SINHCAF: variants seen among roughly 807,000 people sequenced by gnomAD.
SINHCAF encodes SIN3-HDAC complex-associated factor.
SINHCAF carries 3 observed loss-of-function variants against 25.8 expected under a neutral mutation model. The observed-to-expected ratio is 0.12, with a 90% CI of 0.05 to 0.30. SINHCAF has a LOEUF of 0.30. SINHCAF is among the 10% of genes least tolerant of loss of function. SINHCAF has a pLI of 1.00. For missense variants in SINHCAF, 121 were observed against 262.3 expected (o/e 0.46, Z 3.72); for synonymous variants, 70 against 85.5 (o/e 0.82, Z 1.00).
chr12:31,320,643 C>A (rs1188955697), intron 1 of SINHCAF, among the ~76,000 whole-genome samples: 7 of 151,992 alleles, frequency 4.6e-5, no homozygotes, highest in South Asian at 2.1e-4. Flanking sequence ...ACAATAAAGA[C>A]GTGAATTTTA....
intron 1 of SINHCAF, among the ~76,000 whole-genome samples, chr12:31,306,156 C>A (rs1012862702): frequency 6.6e-6 from 1 of 152,122 alleles, no homozygotes; most frequent in Non-Finnish European, 1.5e-5. Flanking sequence ...TTACCCAATG[C>A]AAAAACATGC....
intron 4 of SINHCAF, among the ~76,000 whole-genome samples, chr12:31,289,948 C>T (rs143818788): frequency 4.6e-5 from 7 of 151,938 alleles, no homozygotes; most frequent in African/African-American, 1.7e-4. Flanking sequence ...TCTCAGTCTC[C>T]TGAGTAGCTG....
chr12:31,291,403 G>A (rs1317811880), intron 4 of SINHCAF, among the ~76,000 whole-genome samples: 2 of 152,206 alleles, frequency 1.3e-5, no homozygotes, highest in African/African-American at 4.8e-5. Context: ...GACAAGAGCT[G>A]ATATTCAAAT....
Position 31,289,065 on chromosome 12 carries a change from G to A in SINHCAF, c.356-1281C>T, listed in dbSNP as rs544304998. On this transcript the variant is annotated intron_variant, in intron 4 of 5. Coordinates refer to ENST00000337682, the MANE Select transcript of SINHCAF (RefSeq NM_001135812.2). Reference sequence around the variant, plus strand: ...GTGGATGGGCTGAGCAACATGGAGGGGAGAGAGAAAACAAACAGTGAACTG... The same window carrying A: ...GTGGATGGGCTGAGCAACATGGAGGAGAGAGAGAAAACAAACAGTGAACTG... 3.6e-4 allele frequency among the ~76,000 whole-genome samples: 55 copies of A among 152,152 alleles called. 1 individual carries two copies. The highest frequency in any genetic ancestry group is 1.2e-3 in the African/African-American group (51 of 41,514).
At chr12:31,311,003 A>G (rs1031349222) in intron 1 of SINHCAF, among the ~76,000 whole-genome samples, 13 of 151,838 alleles carry the variant, frequency 8.6e-5, no homozygotes, top group Non-Finnish European at 2.9e-5. Context: ...CTGAGGAACT[A>G]AGATTACAGG....
intron 1 of SINHCAF, among the ~76,000 whole-genome samples, chr12:31,314,302 A>G (rs554238936): frequency 0.011 from 1,738 of 152,074 alleles, 22 homozygotes; most frequent in Admixed American, 0.03. Context: ...AGGCGGGCGG[A>G]TCACGAGGTC....
chr12:31,288,872 G>A (rs762092345), intron 4 of SINHCAF, among the ~76,000 whole-genome samples: 42 of 152,162 alleles, frequency 2.8e-4, no homozygotes, highest in Non-Finnish European at 5.3e-4. Flanking sequence ...AAGCAGCCAC[G>A]ACAAAAATGC....
chr12:31,317,970 A>AT (rs1939554256), intron 1 of SINHCAF, among the ~76,000 whole-genome samples: 2 of 152,224 alleles, frequency 1.3e-5, no homozygotes, highest in Non-Finnish European at 2.9e-5. Context: ...TGATGATGGG[A>AT]AAGGAAAAGA....
At chr12:31,323,977 C>A (rs1482679903) in intron 1 of SINHCAF, 1 of 455,970 alleles carries the variant, frequency 2.2e-6, no homozygotes, top group Admixed American at 2.3e-5. Flanking sequence ...TCGGGCACTC[C>A]GGTGACTGCC....
intron 1 of SINHCAF, among the ~76,000 whole-genome samples, chr12:31,299,996 T>C (rs996256727): frequency 1.3e-5 from 2 of 152,238 alleles, no homozygotes; most frequent in Non-Finnish European, 2.9e-5. Flanking sequence ...TATCATAATC[T>C]TTTGGGACCA....
At chr12:31,300,580 T>C (rs1172806489) in intron 1 of SINHCAF, among the ~76,000 whole-genome samples, 1 of 152,212 alleles carries the variant, frequency 6.6e-6, no homozygotes, top group Non-Finnish European at 1.5e-5. Flanking sequence ...GCAGATTTTT[T>C]TTTCTCAATC....
chr12:31,313,784 G>C (rs1385647811), intron 1 of SINHCAF, among the ~76,000 whole-genome samples: 4 of 152,136 alleles, frequency 2.6e-5, no homozygotes, highest in Non-Finnish European at 5.9e-5. Flanking sequence ...AAGTAGCTGG[G>C]ATTACAGGTG....
intron 1 of SINHCAF, among the ~76,000 whole-genome samples, chr12:31,306,681 T>C (rs2137111893): frequency 6.6e-6 from 1 of 152,344 alleles, no homozygotes; most frequent in South Asian, 2.1e-4. Context: ...GTGTTGTGTT[T>C]AATTCAGAGC....
At chr12:31,293,685 C>A in intron 4 of SINHCAF, 120 bp downstream of exon 4, 1 of 801,046 alleles carries the variant, frequency 1.2e-6, no homozygotes, top group Non-Finnish European at 1.9e-6. Flanking sequence ...TCAACGTTGC[C>A]TTCCAGTGCT....
At chr12:31,297,135 T>C (rs1565494225) in intron 2 of SINHCAF, 1 of 346,990 alleles carries the variant, frequency 2.9e-6, no homozygotes, top group Non-Finnish European at 5.9e-6. Context: ...TGATCATTTA[T>C]TGTTAATCCT....
At chr12:31,285,410 T>C (rs1206250581) in intron 5 of SINHCAF, among the ~76,000 whole-genome samples, 1 of 83,368 alleles carries the variant, frequency 1.2e-5, no homozygotes, top group Non-Finnish European at 2.4e-5. Context: ...TATATTTATA[T>C]ATATACATAC....
chr12:31,322,976 A>C (rs1939757083), intron 1 of SINHCAF, among the ~76,000 whole-genome samples: 2 of 152,184 alleles, frequency 1.3e-5, no homozygotes, highest in Non-Finnish European at 2.9e-5. Context: ...AATCTAGGAG[A>C]GGTAACCAGA....
intron 1 of SINHCAF, chr12:31,311,865 G>A (rs1173293370): frequency 8.2e-6 from 4 of 488,906 alleles, no homozygotes; most frequent in Non-Finnish European, 1.2e-5. Flanking sequence ...TGCTAAGTTT[G>A]ATCACTTGAT....
At position 31,325,485 on chromosome 12, in the gene SINHCAF, G is replaced by C. The variant is rs1939932729; in HGVS notation, c.-21+539C>G. On this transcript the variant is annotated intron_variant, in intron 1 of 5. Transcript: ENST00000337682. The surrounding 1 kb of genome is among the most constrained non-coding windows in gnomAD (Gnocchi z 5.9). ...AAGCGGATGGCAACTTAGTTTCCGA[G>C]CGAATGGCGTTTATTGTCCACCCTA... 2.9e-6 allele frequency: 1 copy of C among 345,592 alleles called. No individual in the cohort carries two copies. Among genetic ancestry groups the C allele is most frequent in the Non-Finnish European group, 5.8e-6 (1 of 173,890 alleles). The allele number at this position is 345,592 out of a possible 1,614,324, so 21.4% of individuals were successfully genotyped here. A position where few individuals can be genotyped will look rare whatever the true frequency, so the allele number is the denominator to read the frequency against.
Sources: gnomAD v4.1 joint callset for allele counts (sites outside exome capture counted in the v4.1 genomes callset) on GRCh38, gnomAD v4.1.1 for gene constraint, Gnocchi (gnomAD v3.1) non-coding constraint, MANE v1.5 for transcripts, NCBI Gene and HGNC (gene_info 2026-07-23, HGNC 2026-07-21) for gene names.